PSMC6: variants seen among roughly 807,000 people sequenced by gnomAD.
The protein encoded by PSMC6 is proteasome 26S subunit, ATPase 6.
Under a neutral mutation model 55.9 loss-of-function variants are expected in PSMC6, and 3 were observed. The ratio of observed to expected loss-of-function variants is 0.05; its 90% CI spans 0.02 to 0.14. The LOEUF is 0.14. Among genes scored for constraint, PSMC6 ranks in the 10% least tolerant of loss-of-function variants. The pLI is 1.00. For missense variants in PSMC6, 210 were observed against 478.7 expected, an observed-to-expected ratio of 0.44 and a Z score of 5.24; for synonymous variants, 137 against 155.9, an observed-to-expected ratio of 0.88 and a Z score of 0.90.
intron 13 of PSMC6, among the ~76,000 whole-genome samples, chr14:52,725,972 C>T (rs536805844): frequency 1.3e-5 from 2 of 152,164 alleles, no homozygotes; most frequent in Non-Finnish European, 2.9e-5. Context: ...TCCATTCACC[C>T]GGTTTCTAGG....
intron 1 of PSMC6, chr14:52,707,634 G>C (rs2041718022): frequency 7.6e-6 from 2 of 264,838 alleles, no homozygotes; most frequent in Admixed American, 1.0e-4. Flanking sequence ...GGGACTTGGA[G>C]AGGGGAAGGC....
At chr14:52,718,691 C>A in intron 9 of PSMC6, 3 of 415,534 alleles carry the variant, frequency 7.2e-6, no homozygotes, top group Non-Finnish European at 8.7e-6. Context: ...GAGGCTGAGG[C>A]ACGAGAATCG....
chr14:52,721,100 T>C lies in PSMC6; in HGVS notation c.899-10T>C. ...TAAAACTGGACTATAAAATAATTTTTTATTTTCAGATATTGATTTGCCAAA... is the reference window on the plus strand; with the variant it reads ...TAAAACTGGACTATAAAATAATTTTCTATTTTCAGATATTGATTTGCCAAA... On this transcript the variant is annotated splice_polypyrimidine_tract_variant and intron_variant, in intron 11 of 13. Transcript: ENST00000445930. The C allele has an allele frequency of 6.3e-7, 1 of 1,586,390 alleles. No individual in the cohort carries two copies.
intron 6 of PSMC6, among the ~76,000 whole-genome samples, chr14:52,711,905 C>T (rs1311315423): frequency 6.6e-6 from 1 of 152,172 alleles, no homozygotes; most frequent in Non-Finnish European, 1.5e-5. Flanking sequence ...TAGCTTCCCA[C>T]TCTTACAGAA....
chr14:52,717,630 T>C (rs2041843932), intron 7 of PSMC6, among the ~76,000 whole-genome samples: 1 of 152,088 alleles, frequency 6.6e-6, no homozygotes, highest in African/African-American at 2.4e-5. Flanking sequence ...CCAAGTACTT[T>C]GGAATTTTAA....
At chr14:52,720,246 C>T (rs1311321874) in intron 10 of PSMC6, among the ~76,000 whole-genome samples, 8 of 97,076 alleles carry the variant, frequency 8.2e-5, no homozygotes, top group South Asian at 6.9e-4. Flanking sequence ...AAAAAAAAAG[C>T]AGTCCCAGCT....
At chr14:52,720,820 TG>T (rs751009913) in intron 10 of PSMC6, 40 bp from the exon 11 acceptor site, 2 of 1,509,668 alleles carry the variant, frequency 1.3e-6, no homozygotes, top group Admixed American at 3.6e-5. Flanking sequence ...TTTTTTTTAA[TG>T]GTTAGAATTT....
chr14:52,709,763 T>C (rs758151982), intron 4 of PSMC6: 1 of 298,596 alleles, frequency 3.3e-6, no homozygotes, highest in Non-Finnish European at 6.5e-6. Flanking sequence ...TTTAGAATAT[T>C]TGTGTTGTAC....
At chr14:52,723,195 A>G (rs1429840974) in intron 12 of PSMC6, 1 of 152,282 alleles carries the variant, frequency 6.6e-6, no homozygotes, top group Non-Finnish European at 1.5e-5. Context: ...CTGATTAAAG[A>G]CAATTCATGA....
chr14:52,720,208 C>G (rs1172679214), intron 10 of PSMC6, among the ~76,000 whole-genome samples: 2 of 111,734 alleles, frequency 1.8e-5, no homozygotes, highest in Admixed American at 1.2e-4. Flanking sequence ...GGTGACAGAG[C>G]GAGAGTCTGT....
intron 5 of PSMC6, 113 bp downstream of exon 5, chr14:52,711,281 A>G (rs781170317): frequency 1.0e-5 from 13 of 1,302,406 alleles, no homozygotes; most frequent in South Asian, 3.8e-5. Flanking sequence ...CCCTTTTACT[A>G]GTTTCTAATT....
At position 52,727,483 on chromosome 14, in the gene PSMC6, G is replaced by A. The variant is rs1194306994; in HGVS notation, c.1052-16G>A. ...ATATGTGATATATAGCAGTCATGTTGTTTTATTCTCTACAGGTATGTTCGC... is the reference window on the plus strand; with the variant it reads ...ATATGTGATATATAGCAGTCATGTTATTTTATTCTCTACAGGTATGTTCGC... On this transcript the variant is annotated splice_polypyrimidine_tract_variant and intron_variant, in intron 13 of 13. Coordinates refer to ENST00000445930, the MANE Select transcript of PSMC6 (RefSeq NM_002806.5). 5 of 1,551,178 alleles carry A rather than the reference G, an allele frequency of 3.2e-6. No individual in the cohort carries two copies. In the African/African-American group the frequency reaches 5.4e-5, roughly 17 times the overall value.
rs1395985565 is a variant in PSMC6, at chr14:52,708,506, G to A, written c.189G>A (p.Gln63=). The change falls in exon 3 of 14, where the codon CAG becomes CAA. Residue 63 remains glutamine (Q), a synonymous_variant. Coordinates refer to ENST00000445930, the MANE Select transcript of PSMC6 (RefSeq NM_002806.5). ...VGQIVGEVLK[Q]LTEEKFIVKA... ...AGATCGTGGGTGAAGTGCTTAAACA[G>A]TTAACTGAAGAAAAATGTGAGTGAT... The A allele has an allele frequency of 1.9e-6, 3 of 1,613,842 alleles. No individual in the cohort carries two copies. The highest frequency in any genetic ancestry group is 2.5e-6 in the Non-Finnish European group (3 of 1,179,848).
intron 1 of PSMC6, 164 bp downstream of exon 1, chr14:52,707,468 A>G: frequency 1.1e-6 from 1 of 917,422 alleles, no homozygotes; most frequent in Non-Finnish European, 1.6e-6. Flanking sequence ...GTGGAGCAGC[A>G]CTCCTTCGGG....
At position 52,718,232 on chromosome 14, in the gene PSMC6, G is replaced by A; in HGVS notation, c.595G>A (p.Val199Ile). The change falls in exon 9 of 14, where the codon GTA becomes ATA. Residue 199 changes from valine to isoleucine, a missense_variant. Around this residue, in one of 4 missense-constraint regions of PSMC6, gnomAD observed 101 missense variants for 250.4 expected, o/e 0.40. Transcript: ENST00000445930. ...SQLDCNFLKV[V>I]SSSIVDKYIG... ...TTACTGTTTTTCCTTTAATCAGGTT[G>A]TATCTAGTTCTATTGTAGACAAGTA... The A allele has an allele frequency of 6.2e-7, 1 of 1,611,642 alleles. No individual in the cohort carries two copies. The highest frequency in any genetic ancestry group is 8.5e-7 in the Non-Finnish European group (1 of 1,177,834).
chr14:52,727,428 ATTGT>A (rs1254175296), intron 13 of PSMC6, 67 bp from the exon 14 acceptor site: 1 of 1,002,956 alleles, frequency 1.0e-6, no homozygotes, highest in Admixed American at 2.3e-5. Context: ...ATAGAATTAT[ATTGT>A]TTTTCTTATA....
chr14:52,709,699 CA>C, intron 4 of PSMC6: 1 of 368,332 alleles, frequency 2.7e-6, no homozygotes, highest in Non-Finnish European at 5.2e-6. Context: ...ATCCCTTATC[CA>C]AAATGCTTGA....
At chr14:52,719,468 T>C (rs2041865482) in intron 10 of PSMC6, among the ~76,000 whole-genome samples, 1 of 152,240 alleles carries the variant, frequency 6.6e-6, no homozygotes, top group Admixed American at 6.5e-5. Flanking sequence ...ATAGTTTTGA[T>C]AATTGAAGAG....
chr14:52,707,320 T>C lies in PSMC6; in HGVS notation c.85+16T>C, dbSNP rs1470667336. ...CTTAAGGAGTGTGAGTGCACCTTTC[T>C]TTCCATTTAATCAAGTGCCTCGACT... is the stretch of plus-strand genomic sequence containing the variant. On this transcript the variant is annotated intron_variant, in intron 1 of 13. Coordinates refer to ENST00000445930, the MANE Select transcript of PSMC6 (RefSeq NM_002806.5). The C allele has an allele frequency of 1.2e-6, 2 of 1,613,692 alleles. No individual in the cohort carries two copies. The highest frequency in any genetic ancestry group is 1.7e-6 in the Non-Finnish European group (2 of 1,179,906).
Sources: allele counts gnomAD v4.1 joint callset (sites outside exome capture counted in the v4.1 genomes callset), GRCh38; gene constraint gnomAD v4.1.1; regional missense constraint gnomAD v4.1.1; transcripts MANE v1.5; gene names NCBI Gene and HGNC (gene_info 2026-07-23, HGNC 2026-07-21).